KDM4C: variants seen among roughly 807,000 people sequenced by gnomAD.
KDM4C encodes the protein lysine demethylase 4C.
KDM4C carries 81 observed loss-of-function variants against 129.3 expected under a neutral mutation model. That is an observed-to-expected ratio of 0.63 (90% CI 0.52 to 0.75). The LOEUF (loss-of-function observed/expected upper bound fraction) is 0.75. Ranked by LOEUF, KDM4C falls within the 30% of genes least tolerant of loss-of-function variation. The pLI is 0.00. For missense variants in KDM4C, 1,457 were observed against 1,304.0 expected (o/e 1.12, Z -1.81); for synonymous variants, 573 against 456.1 (o/e 1.26, Z -3.26).
At chr9:6,974,935 T>A (rs979535511) in intron 8 of KDM4C, 1 of 152,222 alleles carries the variant, frequency 6.6e-6, no homozygotes, top group Non-Finnish European at 1.5e-5. Flanking sequence ...CTATCAGATA[T>A]TCAGGTAAGT....
intron 3 of KDM4C, among the ~76,000 whole-genome samples, chr9:6,807,331 G>A (rs1252066640): frequency 2.7e-5 from 4 of 149,890 alleles, no homozygotes; most frequent in African/African-American, 1.0e-4. Flanking sequence ...GAGTGTCTCT[G>A]CCTGGCCGCC....
chr9:7,168,902 G>T (rs1844671163), intron 20 of KDM4C, among the ~76,000 whole-genome samples: 1 of 152,012 alleles, frequency 6.6e-6, no homozygotes, highest in African/African-American at 2.4e-5. Flanking sequence ...TAAAATAGCT[G>T]GGCGTTGTGG....
chr9:7,019,766 T>TTATATTTTTATATATAA (rs1329668843), intron 15 of KDM4C, among the ~76,000 whole-genome samples: 2 of 141,096 alleles, frequency 1.4e-5, no homozygotes, highest in African/African-American at 5.2e-5. Flanking sequence ...TATAAAAATA[T>TTATATTTTTATATATAA]AATATTTTTA....
chr9:7,106,772 G>C (rs904931173), intron 18 of KDM4C, among the ~76,000 whole-genome samples: 1 of 152,090 alleles, frequency 6.6e-6, no homozygotes, highest in Non-Finnish European at 1.5e-5. Flanking sequence ...CGGAGTTGTA[G>C]GTGTGATCCA....
At chr9:7,019,766 TAATA>T (rs1824421611) in intron 15 of KDM4C, among the ~76,000 whole-genome samples, 1 of 141,090 alleles carries the variant, frequency 7.1e-6, no homozygotes, top group African/African-American at 2.6e-5. Flanking sequence ...TATAAAAATA[TAATA>T]TTTTTATATA....
rs75987894 is a variant in KDM4C, at chr9:7,080,898, G to A, written c.2425-22787G>A. 7.6e-3 allele frequency among the ~76,000 whole-genome samples: 1,160 copies of A among 152,244 alleles called. 22 individuals carry two copies. The highest frequency in any genetic ancestry group is 0.026 in the African/African-American group (1,079 of 41,544). On this transcript the variant is annotated intron_variant, in intron 17 of 21. Coordinates refer to ENST00000381309, the MANE Select transcript of KDM4C (RefSeq NM_015061.6). The stretch of plus-strand genomic sequence containing the variant: ...CACTGACCACTAGTTTATAAAAGAG[G>A]GCTGTTAGCTAGTAGTTTAAATAAG...
chr9:6,768,929 T>A (rs1017381433), intron 1 of KDM4C, among the ~76,000 whole-genome samples: 4 of 152,032 alleles, frequency 2.6e-5, no homozygotes, highest in African/African-American at 9.7e-5. Flanking sequence ...CCCATCACCA[T>A]GCCCGGGTAA....
chr9:7,071,964 A>T (rs1301612081), intron 17 of KDM4C, among the ~76,000 whole-genome samples: 1 of 152,208 alleles, frequency 6.6e-6, no homozygotes, highest in Admixed American at 6.5e-5. Flanking sequence ...CTTGACACTC[A>T]ACAATAAAAG....
At chr9:6,956,463 G>A in intron 8 of KDM4C, among the ~76,000 whole-genome samples, 1 of 152,124 alleles carries the variant, frequency 6.6e-6, no homozygotes, top group East Asian at 1.9e-4. Flanking sequence ...GGTGTTTGTT[G>A]CCCACTAAAA....
At chr9:6,784,147 G>A (rs1412081944) in intron 1 of KDM4C, among the ~76,000 whole-genome samples, 1 of 152,024 alleles carries the variant, frequency 6.6e-6, no homozygotes, top group African/African-American at 2.4e-5. Flanking sequence ...TGGCTTACTG[G>A]ATCCCCATCA....
chr9:6,873,915 CGAGAGAGAGA>C (rs370139035), intron 5 of KDM4C, among the ~76,000 whole-genome samples: 1 of 112,910 alleles, frequency 8.9e-6, no homozygotes, highest in Non-Finnish European at 1.9e-5. Flanking sequence ...AGAGAGAGAG[CGAGAGAGAGA>C]GAGAGTGAGA....
chr9:7,027,566 G>A (rs1239594286), intron 15 of KDM4C, among the ~76,000 whole-genome samples: 2 of 152,242 alleles, frequency 1.3e-5, no homozygotes, highest in East Asian at 1.9e-4. Context: ...CTCACCTAAC[G>A]CTGGCCCACT....
At chr9:6,764,480 C>G (rs1455492587) in intron 1 of KDM4C, among the ~76,000 whole-genome samples, 1 of 152,144 alleles carries the variant, frequency 6.6e-6, no homozygotes, top group Non-Finnish European at 1.5e-5. Context: ...GGATACATTT[C>G]TTCAGTAGAT....
At chr9:6,803,570 C>CAA (rs112938373) in intron 2 of KDM4C, among the ~76,000 whole-genome samples, 1 of 100,478 alleles carries the variant, frequency 1.0e-5, no homozygotes, top group Non-Finnish European at 2.1e-5. Flanking sequence ...AACTCGGTCT[C>CAA]AAAAAAAAAA....
chr9:6,849,428 A>G (rs1056880327), intron 4 of KDM4C, 79 bp from the exon 5 acceptor site: 6 of 1,214,420 alleles, frequency 4.9e-6, no homozygotes, highest in Non-Finnish European at 6.8e-6. Context: ...TTTGGTGGAT[A>G]GTGGTTTGAT....
chr9:6,857,851 C>G (rs548604604), intron 5 of KDM4C, among the ~76,000 whole-genome samples: 1 of 149,730 alleles, frequency 6.7e-6, no homozygotes, highest in East Asian at 2.0e-4. Context: ...GCCTCCCGGG[C>G]TCAAGCGATC....
At position 6,727,870 on chromosome 9, in the gene KDM4C, A is replaced by T. The variant is rs151212985; in HGVS notation, c.49+6873A>T. 4.5e-3 allele frequency among the ~76,000 whole-genome samples: 685 copies of T among 151,056 alleles called. 7 individuals carry two copies. Among genetic ancestry groups the T allele is most frequent in the African/African-American group, 0.016 (665 of 41,054 alleles). On this transcript the variant is annotated intron_variant, in intron 1 of 17. Transcript: ENST00000536108. Reference sequence around the variant, plus strand: ...ATGAAAAACCTGAAATCACATGCCTATGTAAGGAAAGTGCTATTCACCCAG... The same window carrying T: ...ATGAAAAACCTGAAATCACATGCCTTTGTAAGGAAAGTGCTATTCACCCAG...
upstream of KDM4C, among the ~76,000 whole-genome samples, chr9:6,754,595 G>A (rs919655898): frequency 9.2e-5 from 14 of 152,064 alleles, no homozygotes; most frequent in Non-Finnish European, 1.8e-4. Flanking sequence ...TCAATTTGCA[G>A]CCAGGGCAGT....
intron 8 of KDM4C, among the ~76,000 whole-genome samples, chr9:6,961,453 C>T (rs933732007): frequency 2.0e-5 from 3 of 152,060 alleles, no homozygotes; most frequent in African/African-American, 2.4e-5. Flanking sequence ...CAGAGATAGT[C>T]GTGGTTGTAT....
Sources: gnomAD v4.1 joint callset for allele counts (sites outside exome capture counted in the v4.1 genomes callset) on GRCh38, gnomAD v4.1.1 for gene constraint, MANE v1.5 for transcripts, NCBI Gene and HGNC (gene_info 2026-07-23, HGNC 2026-07-21) for gene names.